The following HIRA variants were observed in gnomAD, a reference collection of about 807,000 sequenced individuals.
The protein encoded by HIRA is protein HIRA.
HIRA carries 13 observed loss-of-function variants against 126.6 expected under a neutral mutation model. The observed-to-expected ratio is 0.10, with a 90% CI of 0.07 to 0.16. The LOEUF is 0.16. HIRA is among the 10% of genes least tolerant of loss of function. The pLI is 1.00. For missense variants in HIRA, 834 were observed against 1,314.4 expected (o/e 0.63, Z 5.65); for synonymous variants, 511 against 520.0 (o/e 0.98, Z 0.24).
intron 6 of HIRA, 95 bp from the exon 7 acceptor site, chr22:19,397,042 C>T: frequency 8.6e-7 from 1 of 1,168,456 alleles, no homozygotes; most frequent in South Asian, 1.4e-5. Flanking sequence ...AGAGGGGACT[C>T]AGCAGTCTGC....
At chr22:19,357,272 G>A (rs1004847625) in intron 18 of HIRA, among the ~76,000 whole-genome samples, 3 of 152,220 alleles carry the variant, frequency 2.0e-5, no homozygotes, top group African/African-American at 7.2e-5. Context: ...TATTTCCACA[G>A]GCTGCCTGCG....
intron 1 of HIRA, among the ~76,000 whole-genome samples, chr22:19,425,711 C>T (rs1020107670): frequency 6.6e-6 from 1 of 152,156 alleles, no homozygotes; most frequent in African/African-American, 2.4e-5. Flanking sequence ...AGGCTGGGAG[C>T]GGTGGCTCAC....
chr22:19,388,689 A>C, intron 9 of HIRA, 135 bp from the exon 10 acceptor site: 1 of 698,794 alleles, frequency 1.4e-6, no homozygotes. Context: ...ACTCTATTCA[A>C]ACTGCAGCTG....
intron 2 of HIRA, among the ~76,000 whole-genome samples, chr22:19,410,235 T>C (rs2089341509): frequency 1.3e-5 from 2 of 152,346 alleles, no homozygotes; most frequent in South Asian, 4.1e-4. Flanking sequence ...TCAAATGGTG[T>C]GGGCTTTCTT....
At chr22:19,387,978 G>A (rs945257343) in intron 10 of HIRA, among the ~76,000 whole-genome samples, 162 bp from the exon 11 acceptor site, 3 of 151,462 alleles carry the variant, frequency 2.0e-5, no homozygotes, top group African/African-American at 4.9e-5. Context: ...TGGGCGGGGG[G>A]GGGAGGGGGC....
chr22:19,419,413 C>A (rs1259839325), intron 1 of HIRA, among the ~76,000 whole-genome samples: 1 of 152,196 alleles, frequency 6.6e-6, no homozygotes, highest in Non-Finnish European at 1.5e-5. Flanking sequence ...GGGCCTTGTA[C>A]TGACTCTTCC....
intron 24 of HIRA, among the ~76,000 whole-genome samples, chr22:19,350,119 T>C (rs1293296124): frequency 6.6e-6 from 1 of 152,048 alleles, no homozygotes; most frequent in Non-Finnish European, 1.5e-5. Flanking sequence ...AGCCTGCCAG[T>C]ATTCTATATC....
chr22:19,340,473 C>T (rs2088614608), intron 24 of HIRA, among the ~76,000 whole-genome samples: 1 of 152,136 alleles, frequency 6.6e-6, no homozygotes, highest in South Asian at 2.1e-4. Context: ...AGGATGCCCA[C>T]TGTCACCACT....
intron 23 of HIRA, 90 bp downstream of exon 23, chr22:19,353,266 T>C: frequency 2.6e-6 from 4 of 1,511,642 alleles, no homozygotes; most frequent in Admixed American, 3.4e-5. Context: ...GGCCATCACA[T>C]CTTTTCCCTG....
intron 5 of HIRA, among the ~76,000 whole-genome samples, chr22:19,403,395 G>C (rs2146237661): frequency 6.6e-6 from 1 of 152,232 alleles, no homozygotes; most frequent in African/African-American, 2.4e-5. Flanking sequence ...AGATCACGAG[G>C]TCAGGAGATC....
At chr22:19,401,775 T>C (rs531566061) in intron 5 of HIRA, among the ~76,000 whole-genome samples, 1 of 152,104 alleles carries the variant, frequency 6.6e-6, no homozygotes, top group Non-Finnish European at 1.5e-5. Flanking sequence ...CAAACCACCA[T>C]TGTCTCTCCC....
intron 1 of HIRA, 53 bp from the exon 2 acceptor site, chr22:19,410,831 A>G: frequency 1.4e-6 from 2 of 1,409,118 alleles, no homozygotes; most frequent in Admixed American, 1.7e-5. Flanking sequence ...TATTCATTGA[A>G]GTGTATCAAA....
At chr22:19,387,944 GTGGCCTGGT>G in intron 10 of HIRA, 128 bp from the exon 11 acceptor site, 1 of 168,030 alleles carries the variant, frequency 6.0e-6, no homozygotes, top group Non-Finnish European at 1.4e-5. Context: ...GTTCCCTTCT[GTGGCCTGGT>G]TCCCTTCTTT....
rs566101348 is a variant in HIRA, at chr22:19,415,401, A to C, written c.38-4623T>G. On this transcript the variant is annotated intron_variant, in intron 1 of 24. Transcript: ENST00000263208. ...GGAGGCGAAAGACTTGTACACTGAA[A>C]CTATAAAATATAAAACACTGCTGAA... Among the ~76,000 whole-genome samples, 13 of 152,356 alleles carry C rather than the reference A, an allele frequency of 8.5e-5. No homozygotes were observed. In the East Asian group the frequency reaches 2.5e-3, roughly 29 times the overall value.
intron 18 of HIRA, among the ~76,000 whole-genome samples, chr22:19,358,231 C>T (rs1263897315): frequency 6.6e-6 from 1 of 152,230 alleles, no homozygotes; most frequent in African/African-American, 2.4e-5. Flanking sequence ...TGACTGAATT[C>T]TATCTGCCCA....
chr22:19,345,092 C>G (rs1392252756), intron 24 of HIRA, among the ~76,000 whole-genome samples: 1 of 152,128 alleles, frequency 6.6e-6, no homozygotes, highest in Non-Finnish European at 1.5e-5. Context: ...ATGCCTGCTT[C>G]CAGCACTAAT....
chr22:19,420,040 T>TTGTGTGTGTGTGTG (rs59900884), intron 1 of HIRA, among the ~76,000 whole-genome samples: 227 of 147,316 alleles, frequency 1.5e-3, no homozygotes, highest in African/African-American at 5.4e-3. Flanking sequence ...CATACAACCA[T>TTGTGTGTGTGTGTG]TGTGTGTGTG....
intron 3 of HIRA, among the ~76,000 whole-genome samples, chr22:19,408,102 C>A (rs2089322163): frequency 6.6e-6 from 1 of 152,134 alleles, no homozygotes; most frequent in Non-Finnish European, 1.5e-5. Flanking sequence ...GTCTGATGGC[C>A]AAAAGGGTCC....
chr22:19,386,841 T>C (rs2089131709), intron 11 of HIRA, among the ~76,000 whole-genome samples: 1 of 152,104 alleles, frequency 6.6e-6, no homozygotes, highest in African/African-American at 2.4e-5. Context: ...CATGGAAAAA[T>C]GATGGGGTGG....
Sources: allele counts gnomAD v4.1 joint callset (sites outside exome capture counted in the v4.1 genomes callset), GRCh38; gene constraint gnomAD v4.1.1; transcripts MANE v1.5; gene names NCBI Gene and HGNC (gene_info 2026-07-23, HGNC 2026-07-21).